GAK: variants seen among roughly 807,000 people sequenced by gnomAD.
GAK encodes cyclin-G-associated kinase.
Under a neutral mutation model 143.9 loss-of-function variants are expected in GAK, and 79 were observed. The observed-to-expected ratio is 0.55, with a 90% CI of 0.46 to 0.66. GAK has a LOEUF of 0.66. Among genes scored for constraint, GAK ranks in the 30% least tolerant of loss-of-function variants. GAK has a pLI of 0.00. For synonymous variants in GAK, 881 were observed against 765.5 expected (o/e 1.15, Z -2.49); for missense variants, 1,693 against 1,779.7 (o/e 0.95, Z 0.88).
chr4:902,847 C>G (rs921936214), intron 5 of GAK, among the ~76,000 whole-genome samples: 6 of 152,158 alleles, frequency 3.9e-5, no homozygotes, highest in African/African-American at 1.4e-4. Context: ...AACACACAAG[C>G]CAGTGGAAAA....
In GAK at chr4:888,897, G is replaced by A. The variant is rs765063959; in HGVS notation, c.1155C>T (p.Leu385=). Residue 385 remains leucine (L), a synonymous_variant, in exon 11 of 28, where the codon CTC becomes CTT. Coordinates refer to ENST00000314167, the MANE Select transcript of GAK (RefSeq NM_005255.4). ...AGGAGGTGTCCTTGAGGTTGGTGAA[G>A]AGCCGCTCTGTCCCACCCCGCAGAA... ...LDILRGGTER[L]FTNLKDTSSK... is the part of the protein sequence containing the mutation. The A allele has an allele frequency of 2.5e-6, 4 of 1,611,928 alleles. No homozygotes were observed. Among genetic ancestry groups the A allele is most frequent in the Non-Finnish European group, 3.4e-6 (4 of 1,179,426 alleles).
At position 861,793 on chromosome 4, in the gene GAK, A is replaced by G. The variant is rs542392643; in HGVS notation, c.3167-2071T>C. Among the ~76,000 whole-genome samples the G allele has an allele frequency of 5.3e-5, 8 of 152,314 alleles. No individual in the cohort carries two copies. In the South Asian group the frequency reaches 1.7e-3, roughly 32 times the overall value. ...GAAGGTCGGACCAGCCCCACTGCCC[A>G]TACAGAGGAAGTTCGGGTGATCTGG... On this transcript the variant is annotated intron_variant, in intron 23 of 27. Coordinates refer to ENST00000314167, the MANE Select transcript of GAK (RefSeq NM_005255.4).
intron 19 of GAK, chr4:869,953 A>G (rs1222811959): frequency 6.6e-6 from 1 of 151,098 alleles, no homozygotes; most frequent in Non-Finnish European, 1.5e-5. Context: ...ACACAAATGG[A>G]CGGTACACAC....
rs777732237 is a variant in GAK, at chr4:850,975, C to T, written c.3618G>A (p.Lys1206=). 5 of 1,613,918 alleles carry T rather than the reference C, an allele frequency of 3.1e-6. No homozygotes were observed. In the Admixed American group the frequency reaches 5.0e-5, roughly 16 times the overall value. ...KGPKTIAEMR[K]QDLAKDTDPL... is the part of the protein sequence containing the mutation. ...GGTCCGTGTCTTTAGCCAGGTCCTG[C>T]TTCCTCATCTCTGCAATGGTCTTTG... The change falls in exon 26 of 28, where the codon AAG becomes AAA. Residue 1206 remains lysine (K), a synonymous_variant. Coordinates refer to ENST00000314167, the MANE Select transcript of GAK (RefSeq NM_005255.4).
At position 849,568 on chromosome 4, in the gene GAK, CT is replaced by C; in HGVS notation, c.*104del. On this transcript the variant is annotated 3_prime_UTR_variant, in exon 28 of 28. Transcript: ENST00000314167. The stretch of plus-strand genomic sequence containing the variant: ...GTGACCCGGGGCTCGGAGCCCCACC[CT>C]GGCCACACCTGCTGTCGCCCACGGG... 1 of 843,334 alleles carries C rather than the reference CT, an allele frequency of 1.2e-6. No individual in the cohort carries two copies. The highest frequency in any genetic ancestry group is 1.9e-6 in the Non-Finnish European group (1 of 513,676). The allele number at this position is 843,334 out of a possible 1,614,324, so 52.2% of individuals were successfully genotyped here.
chr4:859,628 G>A lies in GAK; in HGVS notation c.3261C>T (p.Gly1087=), dbSNP rs141358912. 39 of 1,599,088 alleles carry A rather than the reference G, an allele frequency of 2.4e-5. No individual in the cohort carries two copies. Among genetic ancestry groups the A allele is most frequent in the Admixed American group, 8.4e-5 (5 of 59,746 alleles). ...TACCTTGGAGGCCGGAGCTGAGGTC[G>A]CCAAGGTCAGCAAATGGGTCCGGGT... ...SQNPDPFADL[G]DLSSGLQGSP... Residue 1087 remains glycine, a synonymous_variant, in exon 24 of 28, where the codon GGC becomes GGT. Transcript: ENST00000314167.
intron 24 of GAK, among the ~76,000 whole-genome samples, chr4:856,929 ACTGG>A (rs1252071065): frequency 6.6e-6 from 1 of 152,184 alleles, no homozygotes; most frequent in Middle Eastern, 3.2e-3. Flanking sequence ...TCTGCTCATG[ACTGG>A]CTGACAGTGC....
chr4:851,692 T>A (rs2152676081), intron 25 of GAK, 58 bp downstream of exon 25: 1 of 1,536,420 alleles, frequency 6.5e-7, no homozygotes, highest in East Asian at 2.2e-5. Context: ...GGTTCTACCT[T>A]TAGCCAATTC....
At chr4:912,348 G>C (rs557100999) in intron 3 of GAK, 29 of 365,986 alleles carry the variant, frequency 7.9e-5, no homozygotes, top group South Asian at 3.2e-4. Context: ...AGGGGCGGCT[G>C]AGAAGCCACA....
At chr4:930,526 A>G (rs943048871) in intron 1 of GAK, among the ~76,000 whole-genome samples, 2 of 149,406 alleles carry the variant, frequency 1.3e-5, no homozygotes, top group African/African-American at 5.0e-5. Flanking sequence ...GCCCCTTCCC[A>G]AAGCTCACAC....
chr4:931,011 C>A (rs922900339), intron 1 of GAK, among the ~76,000 whole-genome samples: 1 of 152,210 alleles, frequency 6.6e-6, no homozygotes, highest in African/African-American at 2.4e-5. Context: ...GCCAATACAG[C>A]AGAATAGAGT....
intron 1 of GAK, among the ~76,000 whole-genome samples, chr4:914,365 G>T (rs1307799483): frequency 1.3e-5 from 1 of 78,574 alleles, no homozygotes; most frequent in Non-Finnish European, 2.4e-5. Context: ...CAGCGTGCAC[G>T]GCCCCCACAC....
At chr4:899,163 G>A (rs989833415) in intron 5 of GAK, among the ~76,000 whole-genome samples, 2 of 152,066 alleles carry the variant, frequency 1.3e-5, no homozygotes, top group African/African-American at 2.4e-5. Context: ...AGAAAGCCTC[G>A]CCCCCAGCTC....
chr4:877,778 C>T lies in GAK; in HGVS notation c.1693G>A (p.Glu565Lys), dbSNP rs1190712180. The stretch of plus-strand genomic sequence containing the variant: ...TTGCTGTGGGGTGTGATGGGCTCCT[C>T]CGCCACCATGTCACACATGTACTCG... ...YIEYMCDMVAEEPITPHSKPI... is the reference protein window; with the variant it reads ...YIEYMCDMVAKEPITPHSKPI... Residue 565 changes from glutamate to lysine, a missense_variant, in exon 16 of 28, where the codon GAG becomes AAG. By Grantham distance (56) the Glu-to-Lys change is moderately conservative. Coordinates refer to ENST00000314167, the MANE Select transcript of GAK (RefSeq NM_005255.4). 6.2e-7 allele frequency: 1 copy of T among 1,609,714 alleles called. No homozygotes were observed. The highest frequency in any genetic ancestry group is 8.5e-7 in the Non-Finnish European group (1 of 1,178,298).
At chr4:895,344 G>A (rs1718565307) in intron 7 of GAK, among the ~76,000 whole-genome samples, 1 of 152,260 alleles carries the variant, frequency 6.6e-6, no homozygotes, top group Non-Finnish European at 1.5e-5. Flanking sequence ...ATCCAGCCAA[G>A]AGTAAGAGCT....
chr4:893,895 T>C lies in GAK; in HGVS notation c.856A>G (p.Thr286Ala). 1 of 1,606,928 alleles carries C rather than the reference T, an allele frequency of 6.2e-7. No individual in the cohort carries two copies. Among genetic ancestry groups the C allele is most frequent in the South Asian group, 1.1e-5 (1 of 89,904 alleles). ...YSIPPHDTQYTVFHSLIRAML... is the reference protein window; with the variant it reads ...YSIPPHDTQYAVFHSLIRAML... ...TTACGGATGAGGCTGTGGAAGACCGTGTACTGCGTGTCGTGCGGGGGGATC... is the reference window on the plus strand; with the variant it reads ...TTACGGATGAGGCTGTGGAAGACCGCGTACTGCGTGTCGTGCGGGGGGATC... Residue 286 changes from threonine to alanine, a missense_variant, in exon 8 of 28, where the codon ACG becomes GCG. Around this residue, in one of 2 missense-constraint regions of GAK, gnomAD observed 871 missense variants for 991.0 expected, o/e 0.88. Coordinates refer to ENST00000314167, the MANE Select transcript of GAK (RefSeq NM_005255.4).
intron 4 of GAK, among the ~76,000 whole-genome samples, chr4:910,186 A>G (rs1243955504): frequency 2.0e-5 from 3 of 152,156 alleles, no homozygotes; most frequent in African/African-American, 7.2e-5. Flanking sequence ...CAGGGCACTG[A>G]CAGGTGCAGC....
chr4:925,576 C>G (rs1308660110), intron 1 of GAK, among the ~76,000 whole-genome samples: 1 of 152,212 alleles, frequency 6.6e-6, no homozygotes, highest in Non-Finnish European at 1.5e-5. Flanking sequence ...GAATCTGTGT[C>G]CCCTCCAAAA....
intron 20 of GAK, 43 bp downstream of exon 20, chr4:868,496 G>A: frequency 6.3e-7 from 1 of 1,589,718 alleles, no homozygotes; most frequent in Non-Finnish European, 8.5e-7. Context: ...CCAGACCAGG[G>A]GCCTGCCCTC....
Sources: allele counts gnomAD v4.1 joint callset (sites outside exome capture counted in the v4.1 genomes callset), GRCh38; gene constraint gnomAD v4.1.1; regional missense constraint gnomAD v4.1.1; transcripts MANE v1.5; gene names NCBI Gene and HGNC (gene_info 2026-07-23, HGNC 2026-07-21).